AKAP10: variants seen among roughly 807,000 people sequenced by gnomAD.
AKAP10 encodes the protein A-kinase anchoring protein 10.
AKAP10 carries 24 observed loss-of-function variants against 80.8 expected under a neutral mutation model. The ratio of observed to expected loss-of-function variants is 0.30; its 90% CI spans 0.22 to 0.42. The LOEUF (loss-of-function observed/expected upper bound fraction) is 0.42. Ranked by LOEUF, AKAP10 falls within the 10% of genes least tolerant of loss-of-function variation. The pLI is 1.00. For synonymous variants in AKAP10, 291 were observed against 277.7 expected (o/e 1.05, Z -0.48); for missense variants, 661 against 794.9 (o/e 0.83, Z 2.03).
intron 9 of AKAP10, among the ~76,000 whole-genome samples, chr17:19,933,436 T>G (rs536989446): frequency 6.6e-6 from 1 of 152,226 alleles, no homozygotes; most frequent in Non-Finnish European, 1.5e-5. Context: ...GAATGAATCA[T>G]TCATGTCTTT....
At chr17:19,948,487 CACAGCAGCAATG>C (rs2152416044) in intron 4 of AKAP10, among the ~76,000 whole-genome samples, 1 of 152,140 alleles carries the variant, frequency 6.6e-6, no homozygotes, top group East Asian at 1.9e-4. Context: ...TCAGAGCAGC[CACAGCAGCAATG>C]ACAGCAGCTC....
At chr17:19,953,194 A>C (rs895816576) in intron 4 of AKAP10, among the ~76,000 whole-genome samples, 1 of 152,138 alleles carries the variant, frequency 6.6e-6, no homozygotes, top group Admixed American at 6.5e-5. Context: ...TTCAAGGGAA[A>C]TTAGAACATT....
At chr17:19,913,160 T>TG (rs943337610) in intron 12 of AKAP10, among the ~76,000 whole-genome samples, 12 of 149,264 alleles carry the variant, frequency 8.0e-5, no homozygotes, top group Admixed American at 2.7e-4. Context: ...ATTGTTTTTT[T>TG]TTTTTTTTTT....
chr17:19,952,598 T>G (rs181274983), intron 4 of AKAP10, among the ~76,000 whole-genome samples: 1 of 152,258 alleles, frequency 6.6e-6, no homozygotes, highest in East Asian at 1.9e-4. Context: ...AGATATGCCA[T>G]GCAAGCACTA....
intron 12 of AKAP10, among the ~76,000 whole-genome samples, chr17:19,917,638 C>T (rs2042760173): frequency 6.6e-6 from 1 of 152,120 alleles, no homozygotes; most frequent in Non-Finnish European, 1.5e-5. Context: ...ACCATGCAGC[C>T]CCCAATATTG....
chr17:19,946,202 ATT>A (rs1378479819), intron 5 of AKAP10, among the ~76,000 whole-genome samples: 1 of 46,438 alleles, frequency 2.2e-5, no homozygotes, highest in African/African-American at 1.1e-4. Context: ...TAATACATAT[ATT>A]TTATATATAT....
chr17:19,923,080 TTTA>T (rs1315742196), intron 11 of AKAP10, among the ~76,000 whole-genome samples: 1 of 152,050 alleles, frequency 6.6e-6, no homozygotes, highest in East Asian at 1.9e-4. Context: ...TCTTTTTTAT[TTTA>T]TTATTATTTT....
rs1234576866 is a variant in AKAP10 at position 19,904,922 on chromosome 17, G to C, written c.*1305C>G. 1.3e-5 allele frequency: 2 copies of C among 151,666 alleles called. No homozygotes were observed. Among genetic ancestry groups the C allele is most frequent in the Non-Finnish European group, 2.9e-5 (2 of 67,966 alleles). The allele number at this position is 151,666 out of a possible 1,614,324, so 9.4% of individuals were successfully genotyped here. On this transcript the variant is annotated 3_prime_UTR_variant, in exon 15 of 15. Coordinates refer to ENST00000225737, the MANE Select transcript of AKAP10 (RefSeq NM_007202.4). ...TTGCTTCTTCTGTCGATGAAACAGT[G>C]TGCCTCTATACAATCAAATATTGCA... is the stretch of plus-strand genomic sequence containing the variant.
chr17:19,958,842 CTTTTTTTT>C (rs772496178), intron 3 of AKAP10, among the ~76,000 whole-genome samples: 4 of 92,936 alleles, frequency 4.3e-5, no homozygotes, highest in Non-Finnish European at 7.2e-5. Context: ...CATGTAAATT[CTTTTTTTT>C]TTTTTTTTTT....
intron 4 of AKAP10, among the ~76,000 whole-genome samples, chr17:19,957,318 G>A (rs1292203205): frequency 6.6e-6 from 1 of 151,968 alleles, no homozygotes; most frequent in Non-Finnish European, 1.5e-5. Flanking sequence ...GAGGCAGGCG[G>A]ATCACAAAGT....
chr17:19,962,734 T>C, intron 3 of AKAP10, 106 bp downstream of exon 3: 1 of 1,191,570 alleles, frequency 8.4e-7, no homozygotes, highest in Non-Finnish European at 1.2e-6. Flanking sequence ...ATACATTTTT[T>C]CCAAAGCACT....
At chr17:19,970,296 T>C (rs2043478553) in intron 1 of AKAP10, among the ~76,000 whole-genome samples, 1 of 152,220 alleles carries the variant, frequency 6.6e-6, no homozygotes, top group African/African-American at 2.4e-5. Context: ...TATGACCAAC[T>C]GATTCTACTG....
At chr17:19,966,368 T>C (rs929035986) in intron 2 of AKAP10, among the ~76,000 whole-genome samples, 2 of 152,198 alleles carry the variant, frequency 1.3e-5, no homozygotes, top group Non-Finnish European at 2.9e-5. Context: ...TTGATTAATG[T>C]TCCTCTCCCC....
rs2043127678 is a variant in AKAP10 at position 19,946,273 on chromosome 17, A to ATTTTT, written c.976+1133_976+1134insAAAAA. Among the ~76,000 whole-genome samples, 34 of 19,808 alleles carry ATTTTT rather than the reference A, an allele frequency of 1.7e-3. 3 individuals are homozygous for ATTTTT. The highest frequency in any genetic ancestry group is 2.4e-3 in the Non-Finnish European group (28 of 11,736). 13.0% of individuals were successfully genotyped at this position (19,808 alleles called of 152,430 possible). A position where few individuals can be genotyped will look rare whatever the true frequency, so the allele number is the denominator to read the frequency against. On this transcript the variant is annotated intron_variant, in intron 5 of 14. Transcript: ENST00000225737. ...TATATATATATATATATATATATAT[A>ATTTTT]TATTTTTTTTTTTTTTTTTTTTTTT...
At chr17:19,947,314 T>G (rs1470532975) in intron 5 of AKAP10, 93 bp downstream of exon 5, 3 of 970,310 alleles carry the variant, frequency 3.1e-6, no homozygotes, top group African/African-American at 3.3e-5. Context: ...AAATTCCATG[T>G]TAAGAAAAAA....
rs144317847 is a variant in AKAP10, at chr17:19,935,421, T to C, written c.1467+865A>G. Among the ~76,000 whole-genome samples, 403 of 152,290 alleles carry C rather than the reference T, an allele frequency of 2.6e-3. 1 individual carries two copies. Among genetic ancestry groups the C allele is most frequent in the African/African-American group, 9.2e-3 (381 of 41,576 alleles). ...TGTACACTACTGTAGACTTACACTG[T>C]ACACTTAGGCTACACTAAATTTATT... On this transcript the variant is annotated intron_variant, in intron 9 of 14. Transcript: ENST00000225737.
At chr17:19,946,592 T>C (rs2043134904) in intron 5 of AKAP10, among the ~76,000 whole-genome samples, 1 of 151,300 alleles carries the variant, frequency 6.6e-6, no homozygotes. Context: ...GTACTATTTA[T>C]TGATCTTGCT....
intron 2 of AKAP10, chr17:19,968,175 T>C (rs1597531856): frequency 3.2e-6 from 1 of 308,238 alleles, no homozygotes; most frequent in Non-Finnish European, 5.4e-6. Context: ...CACTCCAGCC[T>C]GGGTAACAGA....
At chr17:19,968,849 T>C (rs1214528013) in intron 1 of AKAP10, among the ~76,000 whole-genome samples, 4 of 152,148 alleles carry the variant, frequency 2.6e-5, no homozygotes, top group Non-Finnish European at 5.9e-5. Flanking sequence ...AAAAAATATA[T>C]ACCTGTAAGG....
Sources: gnomAD v4.1 joint callset for allele counts (sites outside exome capture counted in the v4.1 genomes callset) on GRCh38, gnomAD v4.1.1 for gene constraint, MANE v1.5 for transcripts, NCBI Gene and HGNC (gene_info 2026-07-23, HGNC 2026-07-21) for gene names.